The following SLC24A4 variants were observed in gnomAD, a reference collection of about 807,000 sequenced individuals.
SLC24A4 encodes sodium/potassium/calcium exchanger 4.
In SLC24A4, 53 loss-of-function variants were observed where a neutral mutation model predicts 79.0. That is an observed-to-expected ratio of 0.67 (90% CI 0.54 to 0.84). The LOEUF is 0.84. Among genes scored for constraint, SLC24A4 ranks in the 40% least tolerant of loss-of-function variants. The pLI is 0.00. For missense variants in SLC24A4, 731 were observed against 822.0 expected, an observed-to-expected ratio of 0.89 and a Z score of 1.35; for synonymous variants, 323 against 323.8, an observed-to-expected ratio of 1.00 and a Z score of 0.03.
At chr14:92,383,097 C>T (rs1888946839) in intron 2 of SLC24A4, among the ~76,000 whole-genome samples, 1 of 152,214 alleles carries the variant, frequency 6.6e-6, no homozygotes, top group Admixed American at 6.5e-5. Flanking sequence ...CTTGACTCCC[C>T]AGCCCATCAT....
intron 2 of SLC24A4, among the ~76,000 whole-genome samples, chr14:92,342,363 C>CATTAATTTATTT (rs377654077): frequency 0.013 from 1,756 of 137,922 alleles, 42 homozygotes; most frequent in African/African-American, 0.045. Context: ...TTTTTTTCCC[C>CATTAATTTATTT]ATTTATTTAT....
intron 3 of SLC24A4, among the ~76,000 whole-genome samples, chr14:92,434,837 G>A (rs1249455041): frequency 2.0e-5 from 3 of 152,136 alleles, no homozygotes; most frequent in Non-Finnish European, 2.9e-5. Flanking sequence ...ACAGTGGCGC[G>A]ATCTTGGCTC....
intron 2 of SLC24A4, among the ~76,000 whole-genome samples, chr14:92,390,639 T>G (rs1889410894): frequency 6.6e-6 from 1 of 152,210 alleles, no homozygotes. Context: ...GGGCGGGGGC[T>G]CCTCCACCAA....
chr14:92,325,551 A>G (rs1001518090), intron 1 of SLC24A4, among the ~76,000 whole-genome samples: 7 of 152,170 alleles, frequency 4.6e-5, no homozygotes, highest in Admixed American at 3.9e-4. Context: ...AGTGTCCTTT[A>G]CTGGAAGAAC....
chr14:92,478,677 G>T (rs1485469956), intron 12 of SLC24A4, among the ~76,000 whole-genome samples: 1 of 150,226 alleles, frequency 6.7e-6, no homozygotes. Context: ...GACTGTTTTG[G>T]CTATTTGGGG....
intron 12 of SLC24A4, among the ~76,000 whole-genome samples, chr14:92,463,810 C>T (rs1327507278): frequency 1.3e-5 from 2 of 152,170 alleles, no homozygotes; most frequent in Non-Finnish European, 2.9e-5. Flanking sequence ...GCCCTTCCCT[C>T]CTCCCCCGAC....
At chr14:92,468,892 CTGTGTGTGTGTGTGTGTGTGTGTGTGTG>C (rs57575129) in intron 12 of SLC24A4, among the ~76,000 whole-genome samples, 5 of 81,414 alleles carry the variant, frequency 6.1e-5, no homozygotes, top group Non-Finnish European at 1.7e-4. Flanking sequence ...AATCATGTAT[CTGTGTGTGTGTGTGTGTGTGTGTGTGTG>C]TGTGTGTGTG....
At chr14:92,434,059 C>T (rs1325100885) in intron 3 of SLC24A4, 71 bp downstream of exon 3, 39 of 1,172,596 alleles carry the variant, frequency 3.3e-5, no homozygotes, top group Non-Finnish European at 4.6e-5. Flanking sequence ...GGGGCAGAGC[C>T]GTGGCGTGTC....
intron 2 of SLC24A4, among the ~76,000 whole-genome samples, chr14:92,365,874 C>T (rs376778597): frequency 2.6e-5 from 4 of 152,122 alleles, no homozygotes; most frequent in South Asian, 2.1e-4. Context: ...AGGCAAGATT[C>T]GAACTAGGCT....
intron 2 of SLC24A4, among the ~76,000 whole-genome samples, chr14:92,363,161 G>A (rs1453331506): frequency 6.6e-6 from 1 of 152,240 alleles, no homozygotes; most frequent in Admixed American, 6.5e-5. Context: ...GCATGACTCA[G>A]ACCGACTGCT....
At chr14:92,480,670 G>A (rs1952323) in intron 12 of SLC24A4, among the ~76,000 whole-genome samples, 138,389 of 152,198 alleles carry the variant, frequency 0.91, 63,895 homozygotes, top group Non-Finnish European at 0.99. Flanking sequence ...AAGCTTTAGT[G>A]TGTTACATTT....
intron 2 of SLC24A4, among the ~76,000 whole-genome samples, chr14:92,373,171 TAC>T (rs66513416): frequency 0.1 from 14,855 of 142,828 alleles, 919 homozygotes; most frequent in African/African-American, 0.18. Context: ...AGCTAATTTA[TAC>T]ACACACACAC....
In SLC24A4 at chr14:92,443,414, G is replaced by T; in HGVS notation, c.597G>T (p.Thr199=). The T allele has an allele frequency of 6.2e-7, 1 of 1,614,144 alleles. No homozygotes were observed. Among genetic ancestry groups the T allele is most frequent in the Non-Finnish European group, 8.5e-7 (1 of 1,180,012 alleles). Residue 199 remains threonine (T), a synonymous_variant, in exon 7 of 17, where the codon ACG becomes ACT. Coordinates refer to ENST00000532405, the MANE Select transcript of SLC24A4 (RefSeq NM_153646.4). Reference sequence around the variant, plus strand: ...TCTGCTGGCAGGTGGTCCGTCTGACGTGGTGGGCCGTGTGCCGAGACTCCG... The same window carrying T: ...TCTGCTGGCAGGTGGTCCGTCTGACTTGGTGGGCCGTGTGCCGAGACTCCG... The part of the protein sequence containing the change: ...GLFAGQVVRL[T]WWAVCRDSVY...
At chr14:92,325,614 C>T (rs1015088168) in intron 1 of SLC24A4, among the ~76,000 whole-genome samples, 1 of 152,184 alleles carries the variant, frequency 6.6e-6, no homozygotes, top group South Asian at 2.1e-4. Context: ...GGTGCTGAGA[C>T]CACCTCAGTC....
chr14:92,354,188 A>G (rs984972480), intron 2 of SLC24A4, among the ~76,000 whole-genome samples: 15 of 144,480 alleles, frequency 1.0e-4, no homozygotes, highest in African/African-American at 3.4e-4. Context: ...TTTTTTTGAG[A>G]TGGAGTCTCA....
At chr14:92,382,430 G>A (rs1402957966) in intron 2 of SLC24A4, among the ~76,000 whole-genome samples, 1 of 152,140 alleles carries the variant, frequency 6.6e-6, no homozygotes, top group Admixed American at 6.6e-5. Flanking sequence ...TTACTGTGAG[G>A]ATTAAATGTG....
intron 2 of SLC24A4, among the ~76,000 whole-genome samples, chr14:92,328,822 G>A (rs1471605921): frequency 1.3e-5 from 2 of 152,252 alleles, no homozygotes; most frequent in African/African-American, 4.8e-5. Context: ...TTGGTCATAG[G>A]TTCCACCTCC....
intron 2 of SLC24A4, among the ~76,000 whole-genome samples, chr14:92,349,109 C>T (rs1435118276): frequency 6.6e-6 from 1 of 150,832 alleles, no homozygotes; most frequent in Non-Finnish European, 1.5e-5. Flanking sequence ...GTAAGGATTG[C>T]TGTTGAATTT....
At chr14:92,396,451 T>C (rs1378709504) in intron 2 of SLC24A4, among the ~76,000 whole-genome samples, 1 of 152,214 alleles carries the variant, frequency 6.6e-6, no homozygotes, top group African/African-American at 2.4e-5. Flanking sequence ...GTTCCTCCTT[T>C]GTGGACCACA....
Sources: gnomAD v4.1 joint callset for allele counts (sites outside exome capture counted in the v4.1 genomes callset) on GRCh38, gnomAD v4.1.1 for gene constraint, MANE v1.5 for transcripts, NCBI Gene and HGNC (gene_info 2026-07-23, HGNC 2026-07-21) for gene names.